STXBP5L: variants seen among roughly 807,000 people sequenced by gnomAD.
The protein encoded by STXBP5L is syntaxin-binding protein 5-like.
Under a neutral mutation model 144.5 loss-of-function variants are expected in STXBP5L, and 65 were observed. That is an observed-to-expected ratio of 0.45 (90% CI 0.37 to 0.55). STXBP5L has a LOEUF of 0.55. Among genes scored for constraint, STXBP5L ranks in the 20% least tolerant of loss-of-function variants. The pLI is 0.00. For missense variants in STXBP5L, 1,298 were observed against 1,405.5 expected, an observed-to-expected ratio of 0.92 and a Z score of 1.22; for synonymous variants, 505 against 469.6, an observed-to-expected ratio of 1.08 and a Z score of -0.97.
chr3:121,047,356 G>A (rs367709099), intron 5 of STXBP5L, among the ~76,000 whole-genome samples: 3 of 152,160 alleles, frequency 2.0e-5, no homozygotes, highest in African/African-American at 7.2e-5. Context: ...TTTTGTAGAT[G>A]TCTAATAGTT....
chr3:120,978,418 G>T (rs143175993), intron 3 of STXBP5L, among the ~76,000 whole-genome samples: 1 of 152,080 alleles, frequency 6.6e-6, no homozygotes, highest in African/African-American at 2.4e-5. Flanking sequence ...GCACTTCTCT[G>T]TATTGGTTAT....
intron 19 of STXBP5L, among the ~76,000 whole-genome samples, chr3:121,297,612 G>T (rs563397442): frequency 2.6e-5 from 4 of 152,218 alleles, no homozygotes; most frequent in African/African-American, 9.6e-5. Context: ...AAATTAGCTG[G>T]GTGTGGTGGC....
chr3:121,022,310 C>G (rs552032784), intron 3 of STXBP5L, among the ~76,000 whole-genome samples: 1 of 152,134 alleles, frequency 6.6e-6, no homozygotes, highest in South Asian at 2.1e-4. Context: ...CAAAAAAAGT[C>G]CAGGACCAGA....
At position 121,407,338 on chromosome 3, in the gene STXBP5L, C is replaced by G. The variant is rs746123825; in HGVS notation, c.2683C>G (p.Pro895Ala). The change falls in exon 23 of 27, where the codon CCA becomes GCA. Residue 895 changes from proline to alanine, a missense_variant. Transcript: ENST00000471454. ...ACCGCCATATGAAGTTTGGAGGGATCCAAACAACATAGATGAAAATGAAAA... is the reference window on the plus strand; with the variant it reads ...ACCGCCATATGAAGTTTGGAGGGATGCAAACAACATAGATGAAAATGAAAA... Reference protein sequence around the residue: ...MQPPYEVWRDPNNIDENEKSW... With the variant: ...MQPPYEVWRDANNIDENEKSW... 6.2e-7 allele frequency: 1 copy of G among 1,612,596 alleles called. No homozygotes were observed. Among genetic ancestry groups the G allele is most frequent in the Non-Finnish European group, 8.5e-7 (1 of 1,179,228 alleles).
At chr3:121,256,175 T>A (rs192804115) in intron 16 of STXBP5L, among the ~76,000 whole-genome samples, 1 of 152,044 alleles carries the variant, frequency 6.6e-6, no homozygotes. Context: ...ACCAATTTCA[T>A]AGGGTTCTTG....
At chr3:121,290,520 A>G (rs946715116) in intron 19 of STXBP5L, among the ~76,000 whole-genome samples, 12 of 152,146 alleles carry the variant, frequency 7.9e-5, no homozygotes, top group Non-Finnish European at 1.5e-4. Context: ...ATTCCAGAAG[A>G]TAGAGAAAGA....
intron 20 of STXBP5L, among the ~76,000 whole-genome samples, chr3:121,360,655 A>G (rs2045685719): frequency 6.6e-6 from 1 of 152,134 alleles, no homozygotes; most frequent in Non-Finnish European, 1.5e-5. Flanking sequence ...TGCATAAACC[A>G]ACAGTGAAAA....
intron 9 of STXBP5L, among the ~76,000 whole-genome samples, chr3:121,182,636 G>A (rs558654320): frequency 6.6e-6 from 1 of 152,054 alleles, no homozygotes; most frequent in African/African-American, 2.4e-5. Context: ...CAGAAGAAAA[G>A]AAGTAACAAA....
chr3:121,130,556 A>G (rs1433866195), intron 7 of STXBP5L, among the ~76,000 whole-genome samples: 2 of 152,120 alleles, frequency 1.3e-5, no homozygotes, highest in Admixed American at 1.3e-4. Context: ...AGAGGAGGAA[A>G]GAAGTTATGC....
intron 22 of STXBP5L, among the ~76,000 whole-genome samples, chr3:121,403,276 G>A (rs574563873): frequency 6.6e-6 from 1 of 152,224 alleles, no homozygotes. Context: ...TTGGAAGCAG[G>A]GAGAGCAGTG....
chr3:121,406,781 CAAATA>C (rs769159523), intron 22 of STXBP5L, among the ~76,000 whole-genome samples: 7 of 151,640 alleles, frequency 4.6e-5, no homozygotes, highest in Non-Finnish European at 7.4e-5. Context: ...ATAAGAAAAT[CAAATA>C]AGATTGTGTG....
At position 121,407,507 on chromosome 3, in the gene STXBP5L, C is replaced by A; in HGVS notation, c.2852C>A (p.Thr951Lys). Residue 951 changes from threonine (T) to lysine (K), a missense_variant, in exon 23 of 27, where the codon ACG (threonine) becomes AAG (lysine). Thr to Lys is a moderately conservative substitution (Grantham distance 78, BLOSUM62 -1). Transcript: ENST00000471454. ...ACTTGCCTTTATGTTCATAACATCA[C>A]GGAGACATCTTTTATACTGCAAGCA... ...SQTCLYVHNI[T>K]ETSFILQANV... The A allele has an allele frequency of 6.2e-7, 1 of 1,613,350 alleles. No homozygotes were observed.
intron 18 of STXBP5L, among the ~76,000 whole-genome samples, chr3:121,266,151 C>T (rs747959811): frequency 7.2e-5 from 11 of 152,142 alleles, no homozygotes; most frequent in Non-Finnish European, 1.3e-4. Context: ...ACCCTGATAC[C>T]AAAACCTGGC....
intron 5 of STXBP5L, among the ~76,000 whole-genome samples, chr3:121,055,116 A>T (rs1948356926): frequency 1.3e-5 from 2 of 152,182 alleles, no homozygotes; most frequent in Admixed American, 1.3e-4. Flanking sequence ...AAAATGTTTT[A>T]ATGCTTACAT....
Position 121,257,348 on chromosome 3 carries a change from C to A in STXBP5L, c.1832+15C>A, listed in dbSNP as rs757428019. On this transcript the variant is annotated intron_variant, in intron 17 of 26. Transcript: ENST00000471454. ...CCATGCCTCAAGTAAGAGTTTCTACCAAATTTTCAAACAATTTTAGATATT... is the reference window on the plus strand; with the variant it reads ...CCATGCCTCAAGTAAGAGTTTCTACAAAATTTTCAAACAATTTTAGATATT... The A allele has an allele frequency of 2.5e-5, 39 of 1,577,254 alleles. No individual in the cohort carries two copies. In the African/African-American group the frequency reaches 5.0e-4, roughly 20 times the overall value.
chr3:120,909,054 G>A (rs985987424), intron 1 of STXBP5L: 4 of 152,482 alleles, frequency 2.6e-5, no homozygotes, highest in African/African-American at 2.4e-5. Context: ...AAGCGTTGAA[G>A]CTGATGGGGG....
intron 5 of STXBP5L, among the ~76,000 whole-genome samples, chr3:121,082,027 G>GT (rs2107695686): frequency 6.6e-6 from 1 of 152,254 alleles, no homozygotes; most frequent in Non-Finnish European, 1.5e-5. Context: ...TAACCATACA[G>GT]TAAGCTTTAA....
chr3:120,914,052 A>G (rs588620), intron 2 of STXBP5L, among the ~76,000 whole-genome samples: 56,864 of 151,694 alleles, frequency 0.37, 10,863 homozygotes, highest in Non-Finnish European at 0.4. Flanking sequence ...TTTCAAACAG[A>G]TGTAGAAAAG....
intron 5 of STXBP5L, among the ~76,000 whole-genome samples, chr3:121,055,976 A>T (rs1395852868): frequency 6.6e-6 from 1 of 151,844 alleles, no homozygotes; most frequent in Non-Finnish European, 1.5e-5. Context: ...TAGAGGCATG[A>T]GCCACTGTGC....
Sources: allele counts gnomAD v4.1 joint callset (sites outside exome capture counted in the v4.1 genomes callset), GRCh38; gene constraint gnomAD v4.1.1; transcripts MANE v1.5; gene names NCBI Gene and HGNC (gene_info 2026-07-23, HGNC 2026-07-21).